SLC9A2: variants seen among roughly 807,000 people sequenced by gnomAD.
SLC9A2 encodes sodium/hydrogen exchanger 2.
SLC9A2 carries 42 observed loss-of-function variants against 71.7 expected under a neutral mutation model. The ratio of observed to expected loss-of-function variants is 0.59; its 90% confidence interval spans 0.46 to 0.76. The LOEUF is 0.76. Ranked by LOEUF, SLC9A2 falls within the 30% of genes least tolerant of loss-of-function variation. The pLI is 0.00. For synonymous variants in SLC9A2, 396 were observed against 392.5 expected, an observed-to-expected ratio of 1.01 and a Z score of -0.10; for missense variants, 829 against 1,017.4, an observed-to-expected ratio of 0.81 and a Z score of 2.52.
chr2:102,668,782 G>A (rs1199459501), intron 3 of SLC9A2, among the ~76,000 whole-genome samples: 1 of 152,144 alleles, frequency 6.6e-6, no homozygotes, highest in Non-Finnish European at 1.5e-5. Flanking sequence ...AGTTTTGCCT[G>A]CTCTCCTCCA....
In SLC9A2 at chr2:102,694,452, C is replaced by A; in HGVS notation, c.1464C>A (p.Val488=). Residue 488 remains valine, a synonymous_variant, in exon 6 of 12, where the codon GTC becomes GTA. Coordinates refer to ENST00000233969, the MANE Select transcript of SLC9A2 (RefSeq NM_003048.6). ...TIRPLVEFLD[V]KRSNKKQQAV... The stretch of plus-strand genomic sequence containing the variant: ...GACCACTGGTGGAGTTTCTTGATGT[C>A]AAGAGGTCCAATAAGAAACAACAAG... 1.3e-6 allele frequency: 2 copies of A among 1,537,858 alleles called. No homozygotes were observed. Among genetic ancestry groups the A allele is most frequent in the South Asian group, 1.3e-5 (1 of 76,504 alleles).
At position 102,619,968 on chromosome 2, in the gene SLC9A2, G is replaced by T; in HGVS notation, c.120G>T (p.Pro40=). 2 of 1,613,106 alleles carry T rather than the reference G, an allele frequency of 1.2e-6. No individual in the cohort carries two copies. The highest frequency in any genetic ancestry group is 1.7e-6 in the Non-Finnish European group (2 of 1,179,550). Residue 40 remains proline, a synonymous_variant, in exon 1 of 12, where the codon CCG becomes CCT. Transcript: ENST00000233969. This position sits in a 1 kb window ranked among gnomAD's most constrained non-coding sequence, Gnocchi z 4.3. ...GALAETLLNA[P]RAMGTSSSPP... ...TGGCGGAGACCTTGCTGAACGCGCCGAGGGCCATGGGCACCAGTTCCAGCC... is the reference window on the plus strand; with the variant it reads ...TGGCGGAGACCTTGCTGAACGCGCCTAGGGCCATGGGCACCAGTTCCAGCC...
In SLC9A2 at chr2:102,643,924, C is replaced by T. The variant is rs533035472; in HGVS notation, c.290-13640C>T. On this transcript the variant is annotated intron_variant, in intron 1 of 11. Coordinates refer to ENST00000233969, the MANE Select transcript of SLC9A2 (RefSeq NM_003048.6). ...TCATTTTCTTACTTTTTTTTTTTTG[C>T]ACAGACATTTAAAACGATGAATTCA... Among the ~76,000 whole-genome samples, 333 of 143,312 alleles carry T rather than the reference C, an allele frequency of 2.3e-3. 1 individual carries two copies. The highest frequency in any genetic ancestry group is 3.0e-3 in the Non-Finnish European group (201 of 66,276). The allele number at this position is 143,312 out of a possible 152,430, so 94.0% of individuals were successfully genotyped here.
At chr2:102,694,610 C>T (rs1677718721) in intron 6 of SLC9A2, 107 bp downstream of exon 6, 2 of 507,452 alleles carry the variant, frequency 3.9e-6, no homozygotes, top group South Asian at 5.1e-5. Flanking sequence ...AAGGGAATGG[C>T]AGGGTGAGAG....
At chr2:102,699,860 T>A (rs1253936525) in intron 7 of SLC9A2, among the ~76,000 whole-genome samples, 2 of 152,108 alleles carry the variant, frequency 1.3e-5, no homozygotes, top group Non-Finnish European at 2.9e-5. Flanking sequence ...CCTCTTCACA[T>A]CATCTTCCCT....
chr2:102,642,288 A>G (rs1212530952), intron 1 of SLC9A2, among the ~76,000 whole-genome samples: 3 of 152,152 alleles, frequency 2.0e-5, no homozygotes. Context: ...TAAAATTGAC[A>G]TTTAGAACCA....
intron 3 of SLC9A2, among the ~76,000 whole-genome samples, chr2:102,674,632 A>G (rs2104533034): frequency 6.6e-6 from 1 of 152,340 alleles, no homozygotes; most frequent in Non-Finnish European, 1.5e-5. Flanking sequence ...GCATCTTTGT[A>G]GTCAGGAGCC....
chr2:102,646,789 A>ATATATATATATATATATT (rs887096663), intron 1 of SLC9A2, among the ~76,000 whole-genome samples: 1 of 148,254 alleles, frequency 6.7e-6, no homozygotes, highest in African/African-American at 2.5e-5. Flanking sequence ...ATATATATAT[A>ATATATATATATATATATT]TCTCCAATAC....
chr2:102,626,838 G>T (rs1486677235), intron 1 of SLC9A2, among the ~76,000 whole-genome samples: 2 of 152,060 alleles, frequency 1.3e-5, no homozygotes, highest in Non-Finnish European at 2.9e-5. Context: ...ATCATCACTG[G>T]CCATCAGAGA....
chr2:102,620,168 G>T, intron 1 of SLC9A2, 31 bp downstream of exon 1: 1 of 1,570,912 alleles, frequency 6.4e-7, no homozygotes, highest in Non-Finnish European at 8.7e-7. Context: ...GGGAATGGGA[G>T]GGGGCGATCT....
intron 7 of SLC9A2, among the ~76,000 whole-genome samples, chr2:102,699,194 G>A (rs1235182146): frequency 6.6e-6 from 1 of 152,220 alleles, no homozygotes; most frequent in Non-Finnish European, 1.5e-5. Context: ...GATTGTCAAG[G>A]AAAGACTTAA....
At chr2:102,622,875 T>C (rs554802119) in intron 1 of SLC9A2, among the ~76,000 whole-genome samples, 15 of 152,330 alleles carry the variant, frequency 9.8e-5, no homozygotes, top group Middle Eastern at 3.4e-3. Flanking sequence ...CCTGTCTCTC[T>C]TTACTTCCGC....
At chr2:102,687,034 G>A (rs1042878122) in intron 5 of SLC9A2, among the ~76,000 whole-genome samples, 3 of 152,224 alleles carry the variant, frequency 2.0e-5, no homozygotes, top group Non-Finnish European at 2.9e-5. Flanking sequence ...TTTAGAGCCC[G>A]CAGGTGTAGA....
chr2:102,701,588 C>G (rs1677875792), intron 8 of SLC9A2, among the ~76,000 whole-genome samples: 1 of 152,154 alleles, frequency 6.6e-6, no homozygotes, highest in African/African-American at 2.4e-5. Context: ...CATGTATGAT[C>G]AAGCTTAGTT....
chr2:102,621,655 C>T (rs534381994), intron 1 of SLC9A2, among the ~76,000 whole-genome samples: 7 of 152,290 alleles, frequency 4.6e-5, no homozygotes, highest in East Asian at 1.9e-4. Flanking sequence ...AATGAAAAGA[C>T]GCATTGTCTG....
At chr2:102,700,470 G>T (rs761202719) in intron 7 of SLC9A2, among the ~76,000 whole-genome samples, 1 of 152,186 alleles carries the variant, frequency 6.6e-6, no homozygotes, top group Non-Finnish European at 1.5e-5. Flanking sequence ...CCCCAGGGTG[G>T]TGTCCTGGAA....
At chr2:102,679,786 TATGAACATAATTTCAGAG>T (rs1330399711) in intron 3 of SLC9A2, among the ~76,000 whole-genome samples, 4 of 152,362 alleles carry the variant, frequency 2.6e-5, no homozygotes, top group Admixed American at 6.5e-5. Flanking sequence ...CAGTGAATGA[TATGAACATAATTTCAGAG>T]GGAAATGTTT....
intron 7 of SLC9A2, chr2:102,697,556 T>A (rs897756444): frequency 6.7e-6 from 1 of 150,026 alleles, no homozygotes; most frequent in African/African-American, 2.4e-5. Flanking sequence ...ACGCACAACT[T>A]TTTTTCCAGG....
chr2:102,637,580 G>T (rs532399027), intron 1 of SLC9A2, among the ~76,000 whole-genome samples: 1 of 152,248 alleles, frequency 6.6e-6, no homozygotes, highest in East Asian at 1.9e-4. Context: ...GGATTCAGCT[G>T]CCTCCAGTGA....
Sources: gnomAD v4.1 joint callset for allele counts (sites outside exome capture counted in the v4.1 genomes callset) on GRCh38, gnomAD v4.1.1 for gene constraint, Gnocchi (gnomAD v3.1) non-coding constraint, MANE v1.5 for transcripts, NCBI Gene and HGNC (gene_info 2026-07-23, HGNC 2026-07-21) for gene names.